ZNF383: variants seen among roughly 807,000 people sequenced by gnomAD.
ZNF383 encodes the protein zinc finger protein 383.
Under a neutral mutation model 44.2 loss-of-function variants are expected in ZNF383, and 32 were observed. The ratio of observed to expected loss-of-function variants is 0.72; its 90% CI spans 0.55 to 0.97. ZNF383 has a LOEUF of 0.97. ZNF383 is among the 50% of genes least tolerant of loss of function. ZNF383 has a pLI of 0.00. For missense variants in ZNF383, 487 were observed against 562.5 expected (o/e 0.87, Z 1.36); for synonymous variants, 155 against 186.2 (o/e 0.83, Z 1.36).
chr19:37,222,479 C>T (rs548975900), intron 1 of ZNF383, among the ~76,000 whole-genome samples: 2 of 152,118 alleles, frequency 1.3e-5, no homozygotes, highest in Admixed American at 6.6e-5. Context: ...TGGGTTCAAG[C>T]GATTCTCCTG....
chr19:37,234,615 C>A (rs1468321901), intron 3 of ZNF383, among the ~76,000 whole-genome samples: 1 of 152,082 alleles, frequency 6.6e-6, no homozygotes, highest in Admixed American at 6.5e-5. Flanking sequence ...TGGTCTCGAT[C>A]TCCTGACCTC....
At position 37,243,174 on chromosome 19, in the gene ZNF383, A is replaced by G. The variant is rs767853798; in HGVS notation, c.938A>G (p.Lys313Arg). The change falls in exon 6 of 6, where the codon AAG becomes AGG. Residue 313 changes from lysine (K) to arginine (R), a missense_variant. Physicochemically the swap from Lys to Arg is conservative, Grantham distance 26. Transcript: ENST00000684119. ...ACAGGTGAGAAACCCTATGAATGTA[A>G]GGAATGTGGCAAAGCCTTTACCCAG... ...IHTGEKPYEC[K>R]ECGKAFTQSS... 3.7e-6 allele frequency: 6 copies of G among 1,614,186 alleles called. 1 individual carries two copies. In the South Asian group the frequency reaches 5.5e-5, roughly 15 times the overall value.
intron 1 of ZNF383, chr19:37,219,731 T>C (rs1972830754): frequency 6.6e-6 from 1 of 152,240 alleles, no homozygotes; most frequent in Admixed American, 6.5e-5. Context: ...GAATGGCTGT[T>C]GACCAAACCA....
At chr19:37,222,745 T>C (rs543654394) in intron 1 of ZNF383, among the ~76,000 whole-genome samples, 1 of 152,328 alleles carries the variant, frequency 6.6e-6, no homozygotes, top group East Asian at 1.9e-4. Context: ...GAGGCTGTTA[T>C]GAAAAACGCT....
chr19:37,228,871 T>A (rs1023976324), intron 2 of ZNF383, among the ~76,000 whole-genome samples: 8 of 152,072 alleles, frequency 5.3e-5, no homozygotes, highest in Admixed American at 1.3e-4. Context: ...TAAAAAAAAA[T>A]TATTTTATTC....
Position 37,248,686 on chromosome 19 carries a change from G to T in ZNF383, c.*5022G>T, listed in dbSNP as rs1472381552. ...TCTTCTAGATGAACCCTTTTTTCTA[G>T]CAGTATTTGACAGGATGGGATATAT... On this transcript the variant is annotated 3_prime_UTR_variant, in exon 6 of 6. Transcript: ENST00000684119. 6.6e-6 allele frequency: 1 copy of T among 152,040 alleles called. No homozygotes were observed. The highest frequency in any genetic ancestry group is 1.9e-4 in the East Asian group (1 of 5,202). The allele number at this position is 152,040 out of a possible 1,614,324, so 9.4% of individuals were successfully genotyped here.
chr19:37,224,206 G>A (rs886959324), intron 1 of ZNF383, among the ~76,000 whole-genome samples: 2 of 152,050 alleles, frequency 1.3e-5, no homozygotes, highest in Non-Finnish European at 2.9e-5. Flanking sequence ...ATATATTTAA[G>A]GTGTACGTGT....
chr19:37,226,954 G>A (rs1418870647), intron 2 of ZNF383, among the ~76,000 whole-genome samples: 9 of 151,404 alleles, frequency 5.9e-5, no homozygotes, highest in Non-Finnish European at 1.0e-4. Flanking sequence ...GACTACAGGC[G>A]TGCGTCACCA....
chr19:37,240,846 C>T (rs1344717106), intron 5 of ZNF383, among the ~76,000 whole-genome samples: 1 of 152,150 alleles, frequency 6.6e-6, no homozygotes, highest in Non-Finnish European at 1.5e-5. Context: ...CTCACTCTGT[C>T]ACCCAGGTGG....
At chr19:37,222,375 A>G (rs1363631652) in intron 1 of ZNF383, among the ~76,000 whole-genome samples, 1 of 152,052 alleles carries the variant, frequency 6.6e-6, no homozygotes, top group Non-Finnish European at 1.5e-5. Flanking sequence ...TTGTATGAAT[A>G]TAACACTTTT....
chr19:37,242,854 C>A lies in ZNF383; in HGVS notation c.618C>A (p.Phe206Leu), dbSNP rs2145546454. The A allele has an allele frequency of 6.2e-7, 1 of 1,613,836 alleles. No homozygotes were observed. Among genetic ancestry groups the A allele is most frequent in the East Asian group, 2.2e-5 (1 of 44,868 alleles). Residue 206 changes from phenylalanine to leucine, a missense_variant, in exon 6 of 6, where the codon TTC becomes TTA. Phe to Leu is a conservative substitution (Grantham distance 22). Coordinates refer to ENST00000684119, the MANE Select transcript of ZNF383 (RefSeq NM_001387601.1). ...ATGAATGTAAAGAGTGTGGGAAATT[C>A]TTTAGTTGTGGTTCACATGTTACTC... ...KSYECKECGK[F>L]FSCGSHVTRH...
chr19:37,233,020 A>C, intron 3 of ZNF383, among the ~76,000 whole-genome samples: 1 of 152,162 alleles, frequency 6.6e-6, no homozygotes, highest in East Asian at 1.9e-4. Context: ...AACACAATGG[A>C]AAGTTTCCTT....
chr19:37,235,446 C>T, intron 3 of ZNF383, 103 bp from the exon 4 acceptor site: 2 of 1,179,436 alleles, frequency 1.7e-6, no homozygotes, highest in African/African-American at 1.5e-5. Flanking sequence ...TTCTCAGTGA[C>T]ACCAATATAA....
At chr19:37,236,157 GT>G (rs1973779407) in intron 5 of ZNF383, 83 bp downstream of exon 5, 2 of 1,018,704 alleles carry the variant, frequency 2.0e-6, no homozygotes, top group Middle Eastern at 4.4e-4. Flanking sequence ...CCTTTGAGAT[GT>G]TATCCCTGAA....
intron 5 of ZNF383, among the ~76,000 whole-genome samples, chr19:37,238,921 T>A (rs1973949965): frequency 6.6e-6 from 1 of 152,212 alleles, no homozygotes; most frequent in South Asian, 2.1e-4. Flanking sequence ...AAAAAATACA[T>A]CTTTTTGGTT....
In ZNF383 at chr19:37,234,734, C is replaced by CA. The variant is rs576802002; in HGVS notation, c.10-806dup. 7.9e-5 allele frequency among the ~76,000 whole-genome samples: 12 copies of CA among 151,346 alleles called. No homozygotes were observed. The South Asian group carries it at 2.1e-3, about 26-fold the overall frequency. ...AACTCTAAATTTATAAATCCTATTA[C>CA]AAAAAAAAATTATAATAATTTGACG... On this transcript the variant is annotated intron_variant, in intron 3 of 5. Transcript: ENST00000684119.
chr19:37,229,458 C>CTTT (rs569416608), intron 2 of ZNF383, among the ~76,000 whole-genome samples: 1 of 123,982 alleles, frequency 8.1e-6, no homozygotes, highest in Non-Finnish European at 1.7e-5. Flanking sequence ...CTGCACCCAG[C>CTTT]TTTTTTTTTT....
chr19:37,228,305 T>A (rs1399291201), intron 2 of ZNF383, among the ~76,000 whole-genome samples: 1 of 152,136 alleles, frequency 6.6e-6, no homozygotes, highest in Non-Finnish European at 1.5e-5. Context: ...TTTTTATCTC[T>A]GTACTGTGTT....
At position 37,243,395 on chromosome 19, in the gene ZNF383, A is replaced by G. The variant is rs2145548782; in HGVS notation, c.1159A>G (p.Ile387Val). 1 of 1,614,210 alleles carries G rather than the reference A, an allele frequency of 6.2e-7. No homozygotes were observed. The highest frequency in any genetic ancestry group is 1.3e-5 in the African/African-American group (1 of 75,062). The change falls in exon 6 of 6, where the codon ATT becomes GTT. Residue 387 changes from isoleucine (I) to valine (V), a missense_variant. Ile to Val is a conservative substitution (Grantham distance 29, BLOSUM62 3). Transcript: ENST00000684119. ...CTCACAGCTTCGTCAACATCAGAGA[A>G]TTCACGCTGGTGAGAAACCCTTTGA... ...QSSQLRQHQR[I>V]HAGEKPFECL...
Sources: allele counts gnomAD v4.1 joint callset (sites outside exome capture counted in the v4.1 genomes callset), GRCh38; gene constraint gnomAD v4.1.1; transcripts MANE v1.5; gene names NCBI Gene and HGNC (gene_info 2026-07-23, HGNC 2026-07-21).